Variants in PCDHGA4 observed in about 807,000 individuals in gnomAD.
PCDHGA4 encodes protocadherin gamma subfamily A, 4.
A neutral mutation model predicts 54.6 loss-of-function variants in PCDHGA4; 38 were observed. The ratio of observed to expected loss-of-function variants is 0.70; its 90% CI spans 0.54 to 0.91. The LOEUF is 0.91. Ranked by LOEUF, PCDHGA4 falls within the 40% of genes least tolerant of loss-of-function variation. The pLI, the probability that PCDHGA4 is intolerant of heterozygous loss-of-function variation, is 0.00. For synonymous variants in PCDHGA4, 511 were observed against 512.9 expected (o/e 1.00, Z 0.05); for missense variants, 1,298 against 1,220.9 (o/e 1.06, Z -0.94).
intron 1 of PCDHGA4, chr5:141,382,969 TG>T (rs1561593500): frequency 9.9e-6 from 16 of 1,609,418 alleles, no homozygotes; most frequent in Non-Finnish European, 1.4e-5. Flanking sequence ...GGGGACCCCC[TG>T]GGAAGCCTGG....
At chr5:141,370,837 C>T in intron 1 of PCDHGA4, 1 of 1,614,004 alleles carries the variant, frequency 6.2e-7, no homozygotes, top group Non-Finnish European at 8.5e-7. Flanking sequence ...CTGGCTCTCA[C>T]TGGAGCCACA....
chr5:141,419,177 C>T (rs1223789288), intron 1 of PCDHGA4: 8 of 1,613,862 alleles, frequency 5.0e-6, no homozygotes, highest in Admixed American at 1.7e-5. Flanking sequence ...AACCATAACC[C>T]TGCACATTAC....
chr5:141,387,827 A>G (rs2091110263), intron 1 of PCDHGA4: 2 of 1,585,958 alleles, frequency 1.3e-6, no homozygotes, highest in Non-Finnish European at 8.6e-7. Flanking sequence ...TGCAATACAG[A>G]GGTTATTTGT....
At position 141,431,784 on chromosome 5, in the gene PCDHGA4, A is replaced by G; in HGVS notation, c.2515-63023A>G. On this transcript the variant is annotated intron_variant, in intron 1 of 3. Coordinates refer to ENST00000571252, the MANE Select transcript of PCDHGA4 (RefSeq NM_018917.4). The surrounding 1 kb of genome is among the most constrained non-coding windows in gnomAD (Gnocchi z 4.8). ...CTGATCACTGTTCTGGACGTGAACG[A>G]CAATGCCCCAGAAGTGGTCCTCACC... 1 of 1,614,220 alleles carries G rather than the reference A, an allele frequency of 6.2e-7. No individual in the cohort carries two copies. Among genetic ancestry groups the G allele is most frequent in the Non-Finnish European group, 8.5e-7 (1 of 1,180,022 alleles).
chr5:141,487,377 C>T lies in PCDHGA4; in HGVS notation c.2515-7430C>T, dbSNP rs758216933. Reference sequence around the variant, plus strand: ...CCTGCTGGCACCTGTGCCTGTCTCACCAGATCTCGAAGGAGGGAGGGGCTT... The same window carrying T: ...CCTGCTGGCACCTGTGCCTGTCTCATCAGATCTCGAAGGAGGGAGGGGCTT... On this transcript the variant is annotated intron_variant, in intron 1 of 3. Transcript: ENST00000571252. The surrounding 1 kb of genome is among the most constrained non-coding windows in gnomAD (Gnocchi z 5.0). 6.2e-7 allele frequency: 1 copy of T among 1,614,190 alleles called. No homozygotes were observed. Among genetic ancestry groups the T allele is most frequent in the Non-Finnish European group, 8.5e-7 (1 of 1,180,034 alleles).
At chr5:141,423,095 A>G (rs2096708889) in intron 1 of PCDHGA4, 3 of 1,613,978 alleles carry the variant, frequency 1.9e-6, no homozygotes, top group Non-Finnish European at 2.5e-6. Flanking sequence ...GTGGGGGAGC[A>G]CACGGGCGAG....
intron 1 of PCDHGA4, chr5:141,388,443 G>A (rs1242973473): frequency 5.0e-6 from 8 of 1,613,872 alleles, no homozygotes; most frequent in Non-Finnish European, 6.8e-6. Flanking sequence ...AGAGAAATCA[G>A]ATGGCAGTAA....
intron 1 of PCDHGA4, among the ~76,000 whole-genome samples, chr5:141,456,691 G>A (rs564429451): frequency 3.3e-5 from 5 of 152,234 alleles, no homozygotes; most frequent in South Asian, 4.1e-4. Flanking sequence ...CTGGCCAGGC[G>A]TGGTGGCTCG....
At chr5:141,364,382 A>G (rs745604333) in intron 1 of PCDHGA4, 3 of 1,582,176 alleles carry the variant, frequency 1.9e-6, no homozygotes, top group South Asian at 2.3e-5. Flanking sequence ...GCTGCCCTTC[A>G]TGCTCCTGGG....
chr5:141,360,621 TG>T (rs1307338533), intron 1 of PCDHGA4: 1 of 1,613,908 alleles, frequency 6.2e-7, no homozygotes, highest in Non-Finnish European at 8.5e-7. Flanking sequence ...ATTCAGATGT[TG>T]GTCCTAACTC....
chr5:141,360,074 G>T (rs1338613779), intron 1 of PCDHGA4: 2 of 1,478,456 alleles, frequency 1.4e-6, no homozygotes, highest in South Asian at 1.4e-5. Flanking sequence ...CCTTAGCCCG[G>T]ATTCTGCCAT....
At position 141,357,471 on chromosome 5, in the gene PCDHGA4, C is replaced by T; in HGVS notation, c.2364C>T (p.Val788=). 1 of 1,614,206 alleles carries T rather than the reference C, an allele frequency of 6.2e-7. No individual in the cohort carries two copies. Among genetic ancestry groups the T allele is most frequent in the Non-Finnish European group, 8.5e-7 (1 of 1,180,048 alleles). The change falls in exon 1 of 4, where the codon GTC becomes GTT. Residue 788 remains valine, a synonymous_variant. Transcript: ENST00000571252. ...RAFLQTYSHE[V]SLTADSRKSH... The stretch of plus-strand genomic sequence containing the variant: ...TCCTGCAGACCTATTCCCACGAGGT[C>T]TCCCTCACCGCGGACTCGCGGAAGA...
chr5:141,404,902 C>T, intron 1 of PCDHGA4: 1 of 1,613,856 alleles, frequency 6.2e-7, no homozygotes, highest in Non-Finnish European at 8.5e-7. Context: ...AGGACCATGG[C>T]CAGCCCCCTC....
At chr5:141,372,063 G>C (rs571325193) in intron 1 of PCDHGA4, 20 of 1,613,430 alleles carry the variant, frequency 1.2e-5, no homozygotes, top group East Asian at 2.2e-5. Flanking sequence ...CGACCGCAAC[G>C]ACAATGCACC....
chr5:141,356,928 G>A lies in PCDHGA4; in HGVS notation c.1821G>A (p.Glu607=). 6.2e-7 allele frequency: 1 copy of A among 1,614,206 alleles called. No homozygotes were observed. The highest frequency in any genetic ancestry group is 8.5e-7 in the Non-Finnish European group (1 of 1,180,034). ...TFPTDGSTGV[E]LAPRSADSGY... Reference sequence around the variant, plus strand: ...CTACTGATGGCTCCACTGGTGTGGAGCTGGCACCCCGCTCCGCAGATTCCG... The same window carrying A: ...CTACTGATGGCTCCACTGGTGTGGAACTGGCACCCCGCTCCGCAGATTCCG... The change falls in exon 1 of 4, where the codon GAG becomes GAA. Residue 607 remains glutamate, a synonymous_variant. Transcript: ENST00000571252.
intron 1 of PCDHGA4, chr5:141,390,069 C>A: frequency 6.2e-7 from 1 of 1,614,076 alleles, no homozygotes; most frequent in Non-Finnish European, 8.5e-7. Context: ...CCAGCCTGGT[C>A]TCTGTGTTAA....
rs1445356223 is a variant in PCDHGA4, at chr5:141,490,414, G to T, written c.2515-4393G>T. On this transcript the variant is annotated intron_variant, in intron 1 of 3. Transcript: ENST00000571252. This position sits in a 1 kb window ranked among gnomAD's most constrained non-coding sequence, Gnocchi z 5.4. ...TGAAGTGAGCCTTGATATCTCTCCGGACCTGCCATTTCAGATTAAGCCTTC... is the reference window on the plus strand; with the variant it reads ...TGAAGTGAGCCTTGATATCTCTCCGTACCTGCCATTTCAGATTAAGCCTTC... The T allele has an allele frequency of 1.2e-6, 2 of 1,614,138 alleles. No homozygotes were observed. The highest frequency in any genetic ancestry group is 1.7e-6 in the Non-Finnish European group (2 of 1,180,024).
chr5:141,474,710 A>T (rs535069070), intron 1 of PCDHGA4, among the ~76,000 whole-genome samples: 31 of 152,330 alleles, frequency 2.0e-4, no homozygotes, highest in African/African-American at 6.3e-4. Context: ...GTTCTATTAT[A>T]CTTCAAAAGG....
chr5:141,399,704 T>A, intron 1 of PCDHGA4: 1 of 1,613,424 alleles, frequency 6.2e-7, no homozygotes, highest in Non-Finnish European at 8.5e-7. Context: ...ACCTTCGAAC[T>A]CACACTACAG....
Sources: gnomAD v4.1 joint callset for allele counts (sites outside exome capture counted in the v4.1 genomes callset) on GRCh38, gnomAD v4.1.1 for gene constraint, Gnocchi (gnomAD v3.1) non-coding constraint, MANE v1.5 for transcripts, NCBI Gene and HGNC (gene_info 2026-07-23, HGNC 2026-07-21) for gene names.